Variants in POU6F2 observed in about 807,000 individuals in gnomAD.
The protein encoded by POU6F2 is POU class 6 homeobox 2, also known as POU domain, class 6, transcription factor 2.
POU6F2 carries 31 observed loss-of-function variants against 71.3 expected under a neutral mutation model. The observed-to-expected ratio is 0.43, with a 90% confidence interval of 0.33 to 0.59. The LOEUF (loss-of-function observed/expected upper bound fraction) is 0.59, where lower values mean the gene tolerates loss of function less well. Ranked by LOEUF, POU6F2 falls within the 20% of genes least tolerant of loss-of-function variation. The pLI, the probability that POU6F2 is intolerant of heterozygous loss-of-function variation, is 0.04. For synonymous variants in POU6F2, 347 were observed against 355.7 expected (o/e 0.98, Z 0.27); for missense variants, 783 against 856.8 (o/e 0.91, Z 1.07).
chr7:39,245,940 A>G (rs2128752002), intron 4 of POU6F2, among the ~76,000 whole-genome samples: 1 of 152,324 alleles, frequency 6.6e-6, no homozygotes, highest in Non-Finnish European at 1.5e-5. Flanking sequence ...TAAGCACTAG[A>G]TATATAGATG....
chr7:39,332,554 A>C (rs886714107), intron 4 of POU6F2, among the ~76,000 whole-genome samples: 2 of 152,234 alleles, frequency 1.3e-5, no homozygotes, highest in Non-Finnish European at 2.9e-5. Context: ...CTGGCCAGAC[A>C]GTTGAGTTAG....
chr7:39,124,143 T>G (rs1022404477), intron 2 of POU6F2, among the ~76,000 whole-genome samples: 4 of 147,596 alleles, frequency 2.7e-5, no homozygotes, highest in African/African-American at 1.0e-4. Context: ...ACCTCCCGGG[T>G]TCAAGTGATT....
chr7:39,031,584 T>C (rs2128709466), intron 1 of POU6F2, among the ~76,000 whole-genome samples: 1 of 152,214 alleles, frequency 6.6e-6, no homozygotes, highest in South Asian at 2.1e-4. Context: ...TTTAGCTTTC[T>C]TAGCATTGCA....
At chr7:38,988,420 G>C (rs185386018) in intron 1 of POU6F2, among the ~76,000 whole-genome samples, 1 of 151,784 alleles carries the variant, frequency 6.6e-6, no homozygotes, top group Non-Finnish European at 1.5e-5. Flanking sequence ...CCTGCCCCCC[G>C]CCAATCATAA....
intron 2 of POU6F2, among the ~76,000 whole-genome samples, chr7:39,138,160 C>T (rs1469355863): frequency 6.6e-6 from 1 of 152,160 alleles, no homozygotes; most frequent in Non-Finnish European, 1.5e-5. Context: ...CCTCTGTTTC[C>T]TTATGAAACT....
chr7:39,120,878 A>G (rs1177728861), intron 2 of POU6F2: 1 of 152,174 alleles, frequency 6.6e-6, no homozygotes, highest in East Asian at 1.9e-4. Flanking sequence ...AGGACTGGTG[A>G]GAATCACATA....
At chr7:39,113,984 AGT>A (rs1267939748) in intron 2 of POU6F2, among the ~76,000 whole-genome samples, 2 of 152,130 alleles carry the variant, frequency 1.3e-5, no homozygotes, top group African/African-American at 4.8e-5. Context: ...AAGTCAGCAG[AGT>A]GTATCTCTTA....
chr7:39,339,835 G>T lies in POU6F2; in HGVS notation c.792G>T (p.Pro264=), dbSNP rs757368376. Residue 264 remains proline, a synonymous_variant, in exon 5 of 10, where the codon CCG becomes CCT. Coordinates refer to ENST00000518318, the MANE Select transcript of POU6F2 (RefSeq NM_001370959.1). The part of the protein sequence containing the change: ...PQQPPPASQQ[P]PAPTSQLQQA... ...AGCCACCACCCGCCTCTCAGCAGCC[G>T]CCAGCTCCTACATCTCAGCTGCAAC... The T allele has an allele frequency of 1.3e-6, 2 of 1,584,968 alleles. No homozygotes were observed. The highest frequency in any genetic ancestry group is 1.1e-5 in the South Asian group (1 of 88,866).
intron 4 of POU6F2, among the ~76,000 whole-genome samples, chr7:39,219,290 C>T (rs986225274): frequency 2.0e-5 from 3 of 152,086 alleles, no homozygotes; most frequent in East Asian, 1.9e-4. Context: ...ATTTTAAGAG[C>T]GTCTACATAA....
intron 2 of POU6F2, among the ~76,000 whole-genome samples, chr7:39,150,755 A>G (rs771854996): frequency 6.6e-6 from 1 of 152,056 alleles, no homozygotes; most frequent in Non-Finnish European, 1.5e-5. Context: ...GGTGTGAGCC[A>G]TTGTGCCCAG....
chr7:39,000,743 A>G (rs1041633906), intron 1 of POU6F2, among the ~76,000 whole-genome samples: 1 of 152,204 alleles, frequency 6.6e-6, no homozygotes, highest in Non-Finnish European at 1.5e-5. Flanking sequence ...CAGGGTCAAC[A>G]GAGACTTGAC....
chr7:39,208,620 A>G (rs1158315787), intron 4 of POU6F2, among the ~76,000 whole-genome samples: 2 of 152,158 alleles, frequency 1.3e-5, no homozygotes, highest in African/African-American at 2.4e-5. Context: ...TCCGTTCTCT[A>G]TGTTCTGTTA....
intron 5 of POU6F2, among the ~76,000 whole-genome samples, chr7:39,366,476 G>T (rs1259683266): frequency 6.6e-6 from 1 of 152,122 alleles, no homozygotes; most frequent in Non-Finnish European, 1.5e-5. Flanking sequence ...GACTTTAAGG[G>T]TAACAAAGGG....
chr7:39,266,685 C>T (rs748132445), intron 4 of POU6F2, among the ~76,000 whole-genome samples: 227 of 136,336 alleles, frequency 1.7e-3, no homozygotes, highest in Non-Finnish European at 2.4e-3. Context: ...CATGAGCCAC[C>T]GCACCTGGCC....
intron 4 of POU6F2, among the ~76,000 whole-genome samples, chr7:39,318,766 G>A (rs1285428953): frequency 6.6e-6 from 1 of 152,182 alleles, no homozygotes; most frequent in Non-Finnish European, 1.5e-5. Flanking sequence ...AGGAAGTCCT[G>A]TAACATCCCA....
At chr7:39,448,606 C>T (rs1216507904) in intron 7 of POU6F2, among the ~76,000 whole-genome samples, 1 of 152,122 alleles carries the variant, frequency 6.6e-6, no homozygotes. Context: ...TCTTCTCTTG[C>T]CTAGAAGCCC....
At chr7:39,120,210 C>T (rs1462668465) in intron 2 of POU6F2, among the ~76,000 whole-genome samples, 1 of 152,186 alleles carries the variant, frequency 6.6e-6, no homozygotes, top group Non-Finnish European at 1.5e-5. Context: ...CGCTATGCTG[C>T]TCAGGCTGGT....
chr7:39,411,328 C>G (rs1194980281), intron 6 of POU6F2, among the ~76,000 whole-genome samples: 1 of 152,032 alleles, frequency 6.6e-6, no homozygotes, highest in Non-Finnish European at 1.5e-5. Context: ...TCCCTGGTGC[C>G]CCTGGCAATA....
At chr7:39,388,861 C>T (rs1022646874) in intron 5 of POU6F2, among the ~76,000 whole-genome samples, 8 of 151,940 alleles carry the variant, frequency 5.3e-5, no homozygotes, top group Non-Finnish European at 2.9e-5. Context: ...GATTACTATT[C>T]GAATACTAGG....
Sources: allele counts gnomAD v4.1 joint callset (sites outside exome capture counted in the v4.1 genomes callset), GRCh38; gene constraint gnomAD v4.1.1; transcripts MANE v1.5; gene names NCBI Gene and HGNC (gene_info 2026-07-23, HGNC 2026-07-21).